Variants in VPS8 observed in about 807,000 individuals in gnomAD.
VPS8 encodes VPS8 subunit of CORVET complex.
VPS8 carries 129 observed loss-of-function variants against 216.4 expected under a neutral mutation model. The ratio of observed to expected loss-of-function variants is 0.60; its 90% confidence interval spans 0.52 to 0.69. VPS8 has a LOEUF of 0.69. Among genes scored for constraint, VPS8 ranks in the 30% least tolerant of loss-of-function variants. The probability of loss-of-function intolerance (pLI) is 0.00; values close to 1 mark genes in which losing one functional copy is unlikely to be tolerated. For missense variants in VPS8, 1,531 were observed against 1,683.5 expected (o/e 0.91, Z 1.59); for synonymous variants, 571 against 565.4 (o/e 1.01, Z -0.14).
intron 46 of VPS8, among the ~76,000 whole-genome samples, chr3:185,027,828 A>G (rs1269748460): frequency 1.3e-5 from 2 of 152,190 alleles, no homozygotes; most frequent in African/African-American, 2.4e-5. Context: ...TCCTAAGCCA[A>G]TGACTGGACA....
At chr3:184,937,802 G>A (rs1396844451) in intron 35 of VPS8, among the ~76,000 whole-genome samples, 1 of 152,186 alleles carries the variant, frequency 6.6e-6, no homozygotes, top group Non-Finnish European at 1.5e-5. Context: ...ACGTCAGCAG[G>A]GGGTGATGGT....
intron 36 of VPS8, among the ~76,000 whole-genome samples, chr3:184,942,209 T>G (rs1430192933): frequency 6.6e-6 from 1 of 152,234 alleles, no homozygotes; most frequent in Non-Finnish European, 1.5e-5. Context: ...TGGACAGTCT[T>G]GCTCCCTTCT....
At chr3:184,921,707 G>T (rs1245489454) in intron 29 of VPS8, among the ~76,000 whole-genome samples, 1 of 152,044 alleles carries the variant, frequency 6.6e-6, no homozygotes, top group Non-Finnish European at 1.5e-5. Flanking sequence ...GCGATTAGAG[G>T]CACCTGCCAC....
intron 25 of VPS8, 73 bp downstream of exon 25, chr3:184,901,045 C>A: frequency 7.5e-7 from 1 of 1,327,138 alleles, no homozygotes; most frequent in Non-Finnish European, 1.1e-6. Flanking sequence ...CAAAATTGGC[C>A]AATTATATGT....
intron 34 of VPS8, among the ~76,000 whole-genome samples, chr3:184,934,135 G>T (rs1379217348): frequency 6.6e-6 from 1 of 151,878 alleles, no homozygotes; most frequent in African/African-American, 2.4e-5. Context: ...AGTGCTCTCT[G>T]TGGGGAATTT....
chr3:184,938,649 C>CTT (rs113635324), intron 35 of VPS8, among the ~76,000 whole-genome samples: 71 of 140,736 alleles, frequency 5.0e-4, no homozygotes, highest in African/African-American at 9.7e-4. Context: ...TTCTTTTTTT[C>CTT]TTTTTTTTTT....
intron 17 of VPS8, 29 bp from the exon 18 acceptor site, chr3:184,867,995 A>C: frequency 3.1e-6 from 5 of 1,612,062 alleles, no homozygotes; most frequent in Non-Finnish European, 3.4e-6. Flanking sequence ...AAGGGTGATC[A>C]TTTTAATTTC....
At chr3:185,014,607 G>A (rs939472791) in intron 45 of VPS8, among the ~76,000 whole-genome samples, 4 of 152,200 alleles carry the variant, frequency 2.6e-5, no homozygotes, top group African/African-American at 9.7e-5. Context: ...GCTGCTGATA[G>A]CATCTGGCCT....
chr3:185,012,204 CT>C (rs1470952582), intron 45 of VPS8, among the ~76,000 whole-genome samples: 2 of 147,980 alleles, frequency 1.4e-5, no homozygotes, highest in Non-Finnish European at 3.0e-5. Context: ...CAAATTATAG[CT>C]ATATCTATAT....
intron 36 of VPS8, among the ~76,000 whole-genome samples, chr3:184,950,499 G>A (rs903788595): frequency 2.6e-5 from 4 of 151,684 alleles, no homozygotes; most frequent in African/African-American, 7.2e-5. Context: ...AGAGTGAGGG[G>A]GTGGGACTAG....
At chr3:184,977,884 C>CTTTTT (rs55727843) in intron 40 of VPS8, among the ~76,000 whole-genome samples, 7 of 131,286 alleles carry the variant, frequency 5.3e-5, no homozygotes, top group East Asian at 2.2e-4. Context: ...TTTCTTTTTT[C>CTTTTT]TTTTTTTTTT....
intron 25 of VPS8, among the ~76,000 whole-genome samples, chr3:184,904,758 A>G (rs1258524319): frequency 6.6e-6 from 1 of 152,002 alleles, no homozygotes; most frequent in African/African-American, 2.4e-5. Flanking sequence ...TATTTTTTGG[A>G]AGAGTTTGTG....
chr3:184,897,614 A>G (rs779679382), intron 23 of VPS8, among the ~76,000 whole-genome samples: 7 of 152,100 alleles, frequency 4.6e-5, no homozygotes, highest in Admixed American at 1.3e-4. Flanking sequence ...TGATCATGGT[A>G]CTGGCTGAGA....
At chr3:184,918,935 A>G (rs1392733970) in intron 28 of VPS8, 4 of 152,210 alleles carry the variant, frequency 2.6e-5, no homozygotes, top group African/African-American at 4.8e-5. Context: ...AATAACTTCT[A>G]TTGAGCCTTC....
intron 7 of VPS8, among the ~76,000 whole-genome samples, chr3:184,842,476 C>A (rs1260526707): frequency 1.3e-5 from 2 of 151,560 alleles, no homozygotes; most frequent in African/African-American, 2.4e-5. Context: ...TCATAATATT[C>A]TGGTTGTGCT....
chr3:185,008,595 A>G (rs553154198), intron 45 of VPS8, among the ~76,000 whole-genome samples: 8 of 152,304 alleles, frequency 5.3e-5, no homozygotes, highest in African/African-American at 1.9e-4. Context: ...GGGAATCTTT[A>G]TATGCAGAGG....
chr3:184,964,522 G>A lies in VPS8; in HGVS notation c.3238G>A (p.Gly1080Arg). The A allele has an allele frequency of 6.6e-7, 1 of 1,519,610 alleles. No individual in the cohort carries two copies. Among genetic ancestry groups the A allele is most frequent in the Non-Finnish European group, 8.9e-7 (1 of 1,128,514 alleles). The allele number at this position is 1,519,610 out of a possible 1,614,324, so 94.1% of individuals were successfully genotyped here. A position where few individuals can be genotyped will look rare whatever the true frequency, so the allele number is the denominator to read the frequency against. Reference sequence around the variant, plus strand: ...CACCGCTTATCTATTGGAAAAGAAAGGAGATATTCATGGTGCCTTCCTAAT... The same window carrying A: ...CACCGCTTATCTATTGGAAAAGAAAAGAGATATTCATGGTGCCTTCCTAAT... The part of the protein sequence containing the change: ...EVTAYLLEKK[G>R]DIHGAFLIML... The change falls in exon 38 of 48, where the codon GGA (glycine) becomes AGA (arginine). Residue 1080 changes from glycine to arginine, a missense_variant. Transcript: ENST00000625842.
chr3:184,931,162 A>G (rs1265181857), intron 34 of VPS8, among the ~76,000 whole-genome samples: 2 of 152,210 alleles, frequency 1.3e-5, no homozygotes, highest in African/African-American at 4.8e-5. Flanking sequence ...ATGGGACCCA[A>G]AAATCACTTC....
At chr3:184,865,956 C>G (rs186345189) in intron 16 of VPS8, among the ~76,000 whole-genome samples, 1 of 151,478 alleles carries the variant, frequency 6.6e-6, no homozygotes, top group Non-Finnish European at 1.5e-5. Flanking sequence ...CCACTGGACT[C>G]CAGCCTGGGG....
Sources: allele counts gnomAD v4.1 joint callset (sites outside exome capture counted in the v4.1 genomes callset), GRCh38; gene constraint gnomAD v4.1.1; transcripts MANE v1.5; gene names NCBI Gene and HGNC (gene_info 2026-07-23, HGNC 2026-07-21).